The following PREX1 variants were observed in gnomAD, a reference collection of about 807,000 sequenced individuals.
The protein encoded by PREX1 is phosphatidylinositol-3,4,5-trisphosphate dependent Rac exchange factor 1.
A neutral mutation model predicts 198.3 loss-of-function variants in PREX1; 41 were observed. The ratio of observed to expected loss-of-function variants is 0.21; its 90% CI spans 0.16 to 0.27. The LOEUF (loss-of-function observed/expected upper bound fraction) is 0.27. PREX1 is among the 10% of genes least tolerant of loss of function. PREX1 has a pLI of 1.00. For synonymous variants in PREX1, 843 were observed against 887.2 expected, an observed-to-expected ratio of 0.95 and a Z score of 0.89; for missense variants, 1,620 against 2,200.7, an observed-to-expected ratio of 0.74 and a Z score of 5.28.
At chr20:48,695,028 A>G (rs2089838198) in intron 7 of PREX1, among the ~76,000 whole-genome samples, 1 of 152,242 alleles carries the variant, frequency 6.6e-6, no homozygotes. Flanking sequence ...TAAACTTTGT[A>G]TTAAAGTATA....
At chr20:48,819,861 C>A (rs1424042112) in intron 1 of PREX1, among the ~76,000 whole-genome samples, 2 of 152,186 alleles carry the variant, frequency 1.3e-5, no homozygotes, top group Admixed American at 6.5e-5. Flanking sequence ...ATGAATAAGT[C>A]GATTAGTGGA....
intron 7 of PREX1, among the ~76,000 whole-genome samples, chr20:48,693,710 C>T (rs1295199689): frequency 6.6e-6 from 1 of 151,642 alleles, no homozygotes; most frequent in Non-Finnish European, 1.5e-5. Context: ...GGGTTACAAG[C>T]GATTCTCCTG....
chr20:48,648,214 G>T (rs1345888129), intron 25 of PREX1, among the ~76,000 whole-genome samples: 1 of 152,220 alleles, frequency 6.6e-6, no homozygotes, highest in Non-Finnish European at 1.5e-5. Context: ...GCCCACTGGA[G>T]TATTTAAAAC....
At chr20:48,698,791 A>C (rs925976722) in intron 7 of PREX1, among the ~76,000 whole-genome samples, 1 of 152,174 alleles carries the variant, frequency 6.6e-6, no homozygotes, top group African/African-American at 2.4e-5. Flanking sequence ...CCAAGTTAAC[A>C]ACAATGGTGC....
At chr20:48,779,105 T>C (rs1306174081) in intron 1 of PREX1, among the ~76,000 whole-genome samples, 1 of 152,136 alleles carries the variant, frequency 6.6e-6, no homozygotes, top group Non-Finnish European at 1.5e-5. Context: ...ACAAATGACA[T>C]ATCTGACAAA....
intron 14 of PREX1, among the ~76,000 whole-genome samples, chr20:48,668,541 C>T (rs2089655051): frequency 6.6e-6 from 1 of 152,206 alleles, no homozygotes; most frequent in African/African-American, 2.4e-5. Flanking sequence ...CCCTGAGAGG[C>T]CCCGCCTGTA....
At chr20:48,721,000 G>A (rs190245778) in intron 5 of PREX1, among the ~76,000 whole-genome samples, 2 of 152,216 alleles carry the variant, frequency 1.3e-5, no homozygotes, top group Non-Finnish European at 2.9e-5. Flanking sequence ...CAGCTGTTCC[G>A]AATGGACAGG....
chr20:48,704,302 T>C (rs548218757), intron 6 of PREX1, among the ~76,000 whole-genome samples: 2 of 152,326 alleles, frequency 1.3e-5, no homozygotes, highest in African/African-American at 4.8e-5. Flanking sequence ...ATCGATAGTC[T>C]AGAGCAGGAG....
chr20:48,636,063 G>A (rs1430199428), intron 32 of PREX1, among the ~76,000 whole-genome samples: 1 of 152,136 alleles, frequency 6.6e-6, no homozygotes, highest in Non-Finnish European at 1.5e-5. Context: ...GGTCCTGGCC[G>A]GATGTCCAGC....
intron 1 of PREX1, among the ~76,000 whole-genome samples, chr20:48,818,288 G>A (rs947012959): frequency 6.6e-6 from 1 of 152,192 alleles, no homozygotes; most frequent in Non-Finnish European, 1.5e-5. Context: ...CAAAACCACC[G>A]AATCGTACAG....
chr20:48,827,595 G>A lies in PREX1; in HGVS notation c.219+47C>T, dbSNP rs1600539706. 3.4e-5 allele frequency: 41 copies of A among 1,195,236 alleles called. 1 individual carries two copies. The East Asian group carries it at 1.3e-3, about 39-fold the overall frequency. The allele number at this position is 1,195,236 out of a possible 1,614,324, so 74.0% of individuals were successfully genotyped here. The stretch of plus-strand genomic sequence containing the variant: ...CAGGTTGTGGGGACCGCAGCGGGGC[G>A]AGCGGCTGGAGGGAAAGCTGTCCCC... On this transcript the variant is annotated intron_variant, in intron 1 of 39. Coordinates refer to ENST00000371941, the MANE Select transcript of PREX1 (RefSeq NM_020820.4). This position sits in a 1 kb window ranked among gnomAD's most constrained non-coding sequence, Gnocchi z 4.1.
At chr20:48,864,154 C>A in the PREX1 span, among the ~76,000 whole-genome samples, 1 of 152,142 alleles carries the variant, frequency 6.6e-6, no homozygotes, top group South Asian at 2.1e-4. Context: ...CAAGAGGACG[C>A]AGAGAATGAA....
chr20:48,656,208 T>G (rs1246930170), intron 18 of PREX1, among the ~76,000 whole-genome samples: 3 of 152,242 alleles, frequency 2.0e-5, no homozygotes, highest in Middle Eastern at 3.4e-3. Context: ...ACCAGATGCA[T>G]AATTTTTCAA....
intron 1 of PREX1, among the ~76,000 whole-genome samples, chr20:48,797,790 T>A (rs2090369860): frequency 6.6e-6 from 1 of 152,128 alleles, no homozygotes; most frequent in Non-Finnish European, 1.5e-5. Context: ...GCACATCCAC[T>A]TTGCACCCCG....
the PREX1 span, among the ~76,000 whole-genome samples, chr20:48,846,756 T>C: frequency 6.6e-6 from 1 of 152,058 alleles, no homozygotes; most frequent in South Asian, 2.1e-4. Flanking sequence ...ATGGATGGGG[T>C]GCCTGGGAGT....
the PREX1 span, among the ~76,000 whole-genome samples, chr20:48,869,292 GTTTTTGTTGTTTTGT>G: frequency 1.5e-3 from 167 of 112,980 alleles, 1 homozygote; most frequent in East Asian, 0.034. Flanking sequence ...GTTTTGTTTT[GTTTTTGTTGTTTTGT>G]TTTTTTTTTT....
At chr20:48,659,269 CGAGA>C (rs141388612) in intron 16 of PREX1, among the ~76,000 whole-genome samples, 2 of 89,948 alleles carry the variant, frequency 2.2e-5, no homozygotes, top group Admixed American at 1.5e-4. Flanking sequence ...AGGACGGGCA[CGAGA>C]GAGAGAGAGA....
At chr20:48,627,988 G>T in intron 37 of PREX1, 25 bp from the exon 38 acceptor site, 1 of 1,510,358 alleles carries the variant, frequency 6.6e-7, no homozygotes, top group Middle Eastern at 2.4e-4. Context: ...GGAGGACAGC[G>T]GGTTGGCGGT....
chr20:48,683,052 C>G (rs1343341576), intron 10 of PREX1, among the ~76,000 whole-genome samples: 1 of 152,226 alleles, frequency 6.6e-6, no homozygotes, highest in Admixed American at 6.5e-5. Context: ...CTTTGTGGGA[C>G]AGGCGCCCCA....
Sources: allele counts gnomAD v4.1 joint callset (sites outside exome capture counted in the v4.1 genomes callset), GRCh38; gene constraint gnomAD v4.1.1; non-coding constraint Gnocchi (gnomAD v3.1); transcripts MANE v1.5; gene names NCBI Gene and HGNC (gene_info 2026-07-23, HGNC 2026-07-21).